GRAMD2B: variants seen among roughly 807,000 people sequenced by gnomAD.
GRAMD2B encodes the protein GRAM domain-containing protein 2B.
GRAMD2B carries 41 observed loss-of-function variants against 59.2 expected under a neutral mutation model. The observed-to-expected ratio is 0.69, with a 90% CI of 0.54 to 0.90. The LOEUF is 0.90. Ranked by LOEUF, GRAMD2B falls within the 40% of genes least tolerant of loss-of-function variation. The pLI, the probability that GRAMD2B is intolerant of heterozygous loss-of-function variation, is 0.00. For missense variants in GRAMD2B, 424 were observed against 500.5 expected, an observed-to-expected ratio of 0.85 and a Z score of 1.46; for synonymous variants, 161 against 182.7, an observed-to-expected ratio of 0.88 and a Z score of 0.96.
intron 1 of GRAMD2B, among the ~76,000 whole-genome samples, chr5:126,449,178 T>C (rs1281306248): frequency 6.6e-6 from 1 of 152,242 alleles, no homozygotes. Context: ...GATCCACTGC[T>C]TATTTCCTTG....
chr5:126,480,462 T>C lies in GRAMD2B; in HGVS notation c.589T>C (p.Phe197Leu). The C allele has an allele frequency of 5.0e-6, 8 of 1,609,100 alleles. No individual in the cohort carries two copies. Among genetic ancestry groups the C allele is most frequent in the Non-Finnish European group, 6.8e-6 (8 of 1,175,446 alleles). The change falls in exon 7 of 14, where the codon TTT (phenylalanine) becomes CTT (leucine). Residue 197 changes from phenylalanine to leucine, a missense_variant. Transcript: ENST00000285689. The part of the protein sequence containing the change: ...IIATVTDRYI[F>L]VSLLSRDSTY... ...ATCCTGTTTTGTTTTTCAGTACATA[T>C]TTGTCTCCTTACTCTCCAGAGATTC...
chr5:126,397,508 G>A (rs1277853394), intron 1 of GRAMD2B, among the ~76,000 whole-genome samples: 1 of 152,098 alleles, frequency 6.6e-6, no homozygotes, highest in Non-Finnish European at 1.5e-5. Context: ...ATAGGTGTGA[G>A]CCTCCACACC....
At chr5:126,474,687 T>C (rs1770252634) in intron 5 of GRAMD2B, among the ~76,000 whole-genome samples, 1 of 152,138 alleles carries the variant, frequency 6.6e-6, no homozygotes, top group Non-Finnish European at 1.5e-5. Flanking sequence ...TAGTCTTTGT[T>C]AAGGGATGGG....
At chr5:126,386,550 A>T (rs937989102) in intron 1 of GRAMD2B, among the ~76,000 whole-genome samples, 1 of 152,208 alleles carries the variant, frequency 6.6e-6, no homozygotes, top group African/African-American at 2.4e-5. Context: ...AAGGCTGAGA[A>T]TACCAAGAAG....
Position 126,493,115 on chromosome 5 carries a change from G to C in GRAMD2B, c.*159G>C, listed in dbSNP as rs1433055884. On this transcript the variant is annotated 3_prime_UTR_variant, in exon 14 of 14. Transcript: ENST00000285689. Reference sequence around the variant, plus strand: ...GGTCTCCAGCTCAGGAAAGTGAGGAGGGAAATAATTTTGGTTCTTGTGCAA... The same window carrying C: ...GGTCTCCAGCTCAGGAAAGTGAGGACGGAAATAATTTTGGTTCTTGTGCAA... 22 of 589,764 alleles carry C rather than the reference G, an allele frequency of 3.7e-5. No individual in the cohort carries two copies. The highest frequency in any genetic ancestry group is 6.5e-5 in the Non-Finnish European group (21 of 323,944). 36.5% of individuals were successfully genotyped at this position (589,764 alleles called of 1,614,324 possible).
upstream of GRAMD2B, chr5:126,423,124 C>T (rs1759926363): frequency 1.0e-5 from 10 of 990,788 alleles, no homozygotes; most frequent in South Asian, 4.5e-4. Flanking sequence ...GGGCGTCCCA[C>T]TCAGACGTCT....
chr5:126,368,005 C>T (rs1712808311), upstream of GRAMD2B, among the ~76,000 whole-genome samples: 1 of 152,328 alleles, frequency 6.6e-6, no homozygotes. Context: ...CCCGCGTCGG[C>T]CTCCCAAAGT....
At chr5:126,412,691 C>A (rs1758918100) in intron 1 of GRAMD2B, among the ~76,000 whole-genome samples, 1 of 152,026 alleles carries the variant, frequency 6.6e-6, no homozygotes, top group Admixed American at 6.6e-5. Context: ...TTGGTACCAG[C>A]TCTTCGTTGT....
At chr5:126,486,062 C>G (rs994269321) in intron 11 of GRAMD2B, among the ~76,000 whole-genome samples, 3 of 151,806 alleles carry the variant, frequency 2.0e-5, no homozygotes, top group Admixed American at 6.6e-5. Flanking sequence ...TTTTTTTTAC[C>G]TTATTTTTTT....
upstream of GRAMD2B, among the ~76,000 whole-genome samples, chr5:126,420,538 T>C (rs1274121941): frequency 2.6e-5 from 4 of 152,296 alleles, no homozygotes; most frequent in South Asian, 2.1e-4. Context: ...AACCACACCA[T>C]TGGAAGTCCT....
At position 126,484,390 on chromosome 5, in the gene GRAMD2B, T is replaced by G; in HGVS notation, c.848-12T>G. 1 of 1,611,692 alleles carries G rather than the reference T, an allele frequency of 6.2e-7. No individual in the cohort carries two copies. Among genetic ancestry groups the G allele is most frequent in the South Asian group, 1.1e-5 (1 of 90,324 alleles). ...GAGAGAACACTTACCCAGCTCTGTTTTGGCTTAGTAGATTTCCATGCGACA... is the reference window on the plus strand; with the variant it reads ...GAGAGAACACTTACCCAGCTCTGTTGTGGCTTAGTAGATTTCCATGCGACA... On this transcript the variant is annotated splice_polypyrimidine_tract_variant and intron_variant, in intron 9 of 13. Transcript: ENST00000285689.
chr5:126,478,272 T>C (rs1771034123), intron 6 of GRAMD2B, among the ~76,000 whole-genome samples: 1 of 150,594 alleles, frequency 6.6e-6, no homozygotes, highest in Non-Finnish European at 1.5e-5. Flanking sequence ...ACCCCGTCTC[T>C]ACAAAAAATA....
chr5:126,369,295 T>C (rs966222909), upstream of GRAMD2B, among the ~76,000 whole-genome samples: 3 of 152,196 alleles, frequency 2.0e-5, no homozygotes, highest in Admixed American at 6.5e-5. Context: ...AATGAATGAA[T>C]GAATGAATGA....
chr5:126,442,856 TA>T (rs891586596), intron 1 of GRAMD2B, among the ~76,000 whole-genome samples: 3 of 151,894 alleles, frequency 2.0e-5, no homozygotes, highest in Admixed American at 6.6e-5. Context: ...AAAATAAAAT[TA>T]AAAAAAACCA....
chr5:126,384,420 C>G (rs886745830), intron 1 of GRAMD2B, among the ~76,000 whole-genome samples: 1 of 152,140 alleles, frequency 6.6e-6, no homozygotes, highest in African/African-American at 2.4e-5. Context: ...CAAAATAAAC[C>G]TTGCCTAATG....
chr5:126,457,861 G>A (rs1766612474), intron 1 of GRAMD2B, among the ~76,000 whole-genome samples: 1 of 151,962 alleles, frequency 6.6e-6, no homozygotes. Context: ...GCTATTGCAA[G>A]GATTTGGACT....
intron 1 of GRAMD2B, among the ~76,000 whole-genome samples, chr5:126,435,918 A>C (rs978226383): frequency 6.6e-6 from 1 of 152,216 alleles, no homozygotes; most frequent in East Asian, 1.9e-4. Context: ...TTATAGATAC[A>C]TATGAGCATT....
intron 1 of GRAMD2B, among the ~76,000 whole-genome samples, chr5:126,398,750 C>G (rs951429930): frequency 6.6e-6 from 1 of 152,000 alleles, no homozygotes; most frequent in African/African-American, 2.4e-5. Flanking sequence ...ATAAACTTTC[C>G]TTTTAGAACT....
intron 1 of GRAMD2B, among the ~76,000 whole-genome samples, chr5:126,402,346 A>G (rs1237935396): frequency 6.6e-6 from 1 of 152,100 alleles, no homozygotes; most frequent in Admixed American, 6.6e-5. Context: ...AAGCTCACTA[A>G]TAATAACACT....
Sources: allele counts gnomAD v4.1 joint callset (sites outside exome capture counted in the v4.1 genomes callset), GRCh38; gene constraint gnomAD v4.1.1; transcripts MANE v1.5; gene names NCBI Gene and HGNC (gene_info 2026-07-23, HGNC 2026-07-21).